Variants in DCX observed in about 807,000 individuals in gnomAD.
DCX encodes the protein neuronal migration protein doublecortin.
A neutral mutation model predicts 20.9 loss-of-function variants in DCX; 4 were observed. That is an observed-to-expected ratio of 0.19 (90% CI 0.09 to 0.44). The LOEUF (loss-of-function observed/expected upper bound fraction) is 0.44. Ranked by LOEUF, DCX falls within the 20% of genes least tolerant of loss-of-function variation. The probability of loss-of-function intolerance (pLI) is 0.99; values close to 1 mark genes in which losing one functional copy is unlikely to be tolerated. For synonymous variants in DCX, 103 were observed against 111.4 expected (o/e 0.92, Z 0.47); for missense variants, 133 against 296.9 (o/e 0.45, Z 4.06).
At chrX:111,407,595 G>A (rs1210329701) in intron 2 of DCX, among the ~76,000 whole-genome samples, 1 of 111,462 alleles carries the variant, frequency 9.0e-6, no homozygotes, top group Non-Finnish European at 1.9e-5. Context: ...GTGAACAAAT[G>A]CAACTGAGCC....
intron 5 of DCX, among the ~76,000 whole-genome samples, chrX:111,313,822 AT>A (rs2095062941): frequency 9.5e-6 from 1 of 105,558 alleles, no homozygotes. Context: ...AAACAGAGAT[AT>A]TCTAAAATGT....
At chrX:111,368,901 T>TATATACACACACACACAC (rs1467693516) in intron 3 of DCX, among the ~76,000 whole-genome samples, 22 of 98,265 alleles carry the variant, frequency 2.2e-4, no homozygotes, top group African/African-American at 8.3e-4. Flanking sequence ...TATATATACA[T>TATATACACACACACACAC]ACACACACAC....
At position 111,299,446 on chromosome X, in the gene DCX, T is replaced by G. The variant is rs2095028804; in HGVS notation, c.*2241A>C. On this transcript the variant is annotated 3_prime_UTR_variant, in exon 7 of 7. Coordinates refer to ENST00000636035, the MANE Select transcript of DCX (RefSeq NM_001195553.2). ...GAAATCTGGATTCTTCCTCTGGTCC[T>G]GCTCTTTACCAGCCTCCACTTCCTC... 9.0e-6 allele frequency: 1 copy of G among 111,490 alleles called. No individual in the cohort carries two copies. The highest frequency in any genetic ancestry group is 3.3e-5 in the African/African-American group (1 of 30,596). 9.2% of individuals were successfully genotyped at this position (111,490 alleles called of 1,213,427 possible).
intron 3 of DCX, among the ~76,000 whole-genome samples, chrX:111,377,590 T>C (rs1463044592): frequency 2.7e-5 from 3 of 111,535 alleles, no homozygotes; most frequent in Non-Finnish European, 5.7e-5. Flanking sequence ...TTCTGTCACC[T>C]GCATCTGCTC....
At chrX:111,324,372 C>T (rs778627475) in intron 5 of DCX, among the ~76,000 whole-genome samples, 2 of 112,043 alleles carry the variant, frequency 1.8e-5, no homozygotes, top group East Asian at 5.6e-4. Context: ...CTCCCATGAA[C>T]TCCAATAGTT....
chrX:111,371,562 G>T (rs925742828), intron 3 of DCX, among the ~76,000 whole-genome samples: 1 of 111,763 alleles, frequency 8.9e-6, no homozygotes, highest in Non-Finnish European at 1.9e-5. Context: ...CAAAAGGTTA[G>T]TTGGGAGATT....
intron 5 of DCX, among the ~76,000 whole-genome samples, chrX:111,324,589 A>C (rs1295925893): frequency 8.9e-6 from 1 of 111,989 alleles, no homozygotes; most frequent in Non-Finnish European, 1.9e-5. Context: ...TTCATCTGCA[A>C]AATGGGGATA....
At chrX:111,365,064 GTATTATTAT>G (rs373062214) in intron 3 of DCX, among the ~76,000 whole-genome samples, 1 of 105,770 alleles carries the variant, frequency 9.5e-6, no homozygotes, top group African/African-American at 3.4e-5. Context: ...GCTAATTTTT[GTATTATTAT>G]TATTATTATT....
intron 5 of DCX, among the ~76,000 whole-genome samples, chrX:111,316,086 T>TAAAAAAAAAA (rs754058802): frequency 4.5e-3 from 222 of 49,529 alleles, no homozygotes; most frequent in East Asian, 9.1e-3. Context: ...TAATAAAAAA[T>TAAAAAAAAAA]AAAAAAAAAA....
At chrX:111,370,868 C>T (rs1925025892) in intron 3 of DCX, among the ~76,000 whole-genome samples, 1 of 111,493 alleles carries the variant, frequency 9.0e-6, no homozygotes, top group Admixed American at 9.5e-5. Context: ...TTTTTAAAAG[C>T]TCCACAAGGT....
chrX:111,346,502 C>G (rs1188908513), intron 3 of DCX, among the ~76,000 whole-genome samples: 1 of 111,906 alleles, frequency 8.9e-6, no homozygotes, highest in Non-Finnish European at 1.9e-5. Context: ...CTAGAAGAGA[C>G]AAATTCATAG....
chrX:111,373,870 C>T (rs1925313663), intron 3 of DCX, among the ~76,000 whole-genome samples: 1 of 111,545 alleles, frequency 9.0e-6, no homozygotes, highest in African/African-American at 3.3e-5. Context: ...TTACTGTACC[C>T]ATTTTTATAG....
intron 3 of DCX, among the ~76,000 whole-genome samples, chrX:111,352,798 T>A (rs1335745827): frequency 1.9e-5 from 2 of 107,379 alleles, no homozygotes; most frequent in Non-Finnish European, 3.8e-5. Context: ...GAGTTGCTCC[T>A]CCTGTGACTG....
intron 3 of DCX, among the ~76,000 whole-genome samples, chrX:111,398,047 T>C (rs1229191628): frequency 9.1e-6 from 1 of 110,215 alleles, no homozygotes; most frequent in Non-Finnish European, 1.9e-5. Context: ...TTTGGAGAGC[T>C]TTTTGGGGTG....
At chrX:111,337,375 G>T (rs1290331057) in intron 3 of DCX, among the ~76,000 whole-genome samples, 9 of 110,730 alleles carry the variant, frequency 8.1e-5, no homozygotes, top group Non-Finnish European at 3.8e-5. Flanking sequence ...TTAACTCAAT[G>T]CTCTTCCTTT....
At chrX:111,365,259 C>A (rs1419081062) in intron 3 of DCX, among the ~76,000 whole-genome samples, 6 of 108,942 alleles carry the variant, frequency 5.5e-5, no homozygotes, top group Non-Finnish European at 7.6e-5. Context: ...ATAAGCAGAA[C>A]TGTTCACTCA....
intron 5 of DCX, among the ~76,000 whole-genome samples, chrX:111,329,640 G>A (rs1302846945): frequency 8.9e-6 from 1 of 111,798 alleles, no homozygotes; most frequent in African/African-American, 3.3e-5. Context: ...TTAGAGGATG[G>A]CATTCCAGGT....
intron 2 of DCX, among the ~76,000 whole-genome samples, chrX:111,408,124 CTAACAAT>C (rs1163392941): frequency 1.8e-5 from 2 of 111,318 alleles, no homozygotes; most frequent in Non-Finnish European, 3.8e-5. Context: ...GACAGACACC[CTAACAAT>C]TACTCTGTTG....
At chrX:111,397,276 C>T (rs1371526648) in intron 3 of DCX, among the ~76,000 whole-genome samples, 1 of 111,516 alleles carries the variant, frequency 9.0e-6, no homozygotes, top group East Asian at 2.8e-4. Flanking sequence ...GCCTTGATTT[C>T]ATGAATAAAT....
Sources: gnomAD v4.1 joint callset for allele counts (sites outside exome capture counted in the v4.1 genomes callset) on GRCh38, gnomAD v4.1.1 for gene constraint, MANE v1.5 for transcripts, NCBI Gene and HGNC (gene_info 2026-07-23, HGNC 2026-07-21) for gene names.